DMD: variants seen among roughly 807,000 people sequenced by gnomAD.
DMD encodes dystrophin.
DMD carries 63 observed loss-of-function variants against 330.1 expected under a neutral mutation model. The ratio of observed to expected loss-of-function variants is 0.19; its 90% confidence interval spans 0.16 to 0.24. DMD has a LOEUF of 0.24. DMD is among the 10% of genes least tolerant of loss of function. The pLI, the probability that DMD is intolerant of heterozygous loss-of-function variation, is 1.00. For missense variants in DMD, 3,344 were observed against 2,684.1 expected, an observed-to-expected ratio of 1.25 and a Z score of -5.43; for synonymous variants, 1,223 against 959.8, an observed-to-expected ratio of 1.27 and a Z score of -5.07.
chrX:31,384,539 G>A (rs1471390007), intron 60 of DMD, among the ~76,000 whole-genome samples: 1 of 111,750 alleles, frequency 8.9e-6, no homozygotes. Context: ...TGTTGTTTTT[G>A]AGGAAAGAAA....
chrX:32,492,246 G>A (rs1206803213), intron 19 of DMD, among the ~76,000 whole-genome samples: 4 of 111,865 alleles, frequency 3.6e-5, no homozygotes, highest in African/African-American at 1.3e-4. Flanking sequence ...GCTGAGGCAG[G>A]AGAATGGCGT....
At chrX:32,336,029 CG>C (rs1308283212) in intron 41 of DMD, among the ~76,000 whole-genome samples, 1 of 95,933 alleles carries the variant, frequency 1.0e-5, no homozygotes, top group Non-Finnish European at 2.1e-5. Context: ...GTATATATAA[CG>C]TTATATATAA....
intron 7 of DMD, among the ~76,000 whole-genome samples, chrX:32,732,382 C>A (rs887460372): frequency 1.8e-4 from 20 of 110,620 alleles, no homozygotes; most frequent in Middle Eastern, 4.6e-3. Flanking sequence ...GCAAGGCAGG[C>A]CAACATTCAG....
chrX:32,733,121 T>G (rs1228982990), intron 7 of DMD, among the ~76,000 whole-genome samples: 2 of 108,157 alleles, frequency 1.8e-5, no homozygotes, highest in East Asian at 5.7e-4. Context: ...TCCTAGTCTC[T>G]GATAAAACAG....
intron 55 of DMD, among the ~76,000 whole-genome samples, chrX:31,582,685 T>TA (rs200898261): frequency 0.017 from 1,876 of 111,917 alleles, 37 homozygotes; most frequent in African/African-American, 0.054. Context: ...TTAAGCCCTT[T>TA]AGTCACCCTA....
chrX:32,428,798 G>A (rs2148096143), intron 29 of DMD, among the ~76,000 whole-genome samples: 1 of 111,195 alleles, frequency 9.0e-6, no homozygotes, highest in South Asian at 3.8e-4. Flanking sequence ...TTTTAGCAGA[G>A]ACGGGGTTTC....
At chrX:32,048,375 A>T (rs1462737896) in intron 44 of DMD, among the ~76,000 whole-genome samples, 3 of 105,031 alleles carry the variant, frequency 2.9e-5, no homozygotes, top group Non-Finnish European at 5.9e-5. Flanking sequence ...GACACATATC[A>T]TAAGGTTTCT....
chrX:32,738,174 T>C (rs151298191), intron 7 of DMD, among the ~76,000 whole-genome samples: 95 of 111,743 alleles, frequency 8.5e-4, no homozygotes, highest in Non-Finnish European at 1.1e-3. Context: ...GTTTGAACAT[T>C]TTCTAGGCAT....
At chrX:31,447,430 T>C (rs1194480740) in intron 59 of DMD, among the ~76,000 whole-genome samples, 1 of 110,192 alleles carries the variant, frequency 9.1e-6, no homozygotes, top group African/African-American at 3.3e-5. Flanking sequence ...GAGGTGCCTG[T>C]CAGTATGTGT....
intron 1 of DMD, among the ~76,000 whole-genome samples, chrX:33,281,643 G>C: frequency 9.0e-6 from 1 of 110,982 alleles, no homozygotes; most frequent in East Asian, 2.8e-4. Flanking sequence ...ACTTTTGATG[G>C]TACTCTGGAC....
chrX:32,554,890 A>G (rs1354407025), intron 16 of DMD, among the ~76,000 whole-genome samples: 4 of 23,690 alleles, frequency 1.7e-4, no homozygotes, highest in African/African-American at 1.0e-3. Flanking sequence ...AGAAAGAAAG[A>G]AAGAAAGAAA....
rs1475231654 is a variant in DMD, at chrX:31,515,650, C to T, written c.8218-8197G>A. ...CTAAATTGAGAGTAGGAAGAAGTGA[C>T]ACCTTACAGAGAATCAGAAAGGTGT... On this transcript the variant is annotated intron_variant, in intron 55 of 78. Transcript: ENST00000357033. 7.1e-5 allele frequency among the ~76,000 whole-genome samples: 8 copies of T among 111,976 alleles called. No individual in the cohort carries two copies. In the Admixed American group the frequency reaches 7.6e-4, roughly 11 times the overall value.
chrX:32,598,948 G>A (rs2055879825), intron 12 of DMD, among the ~76,000 whole-genome samples: 1 of 111,931 alleles, frequency 8.9e-6, no homozygotes, highest in South Asian at 3.7e-4. Flanking sequence ...GAACGTTGAA[G>A]AGTCCAGAGT....
At chrX:33,003,922 G>C (rs1022088963) in intron 2 of DMD, among the ~76,000 whole-genome samples, 4 of 112,271 alleles carry the variant, frequency 3.6e-5, no homozygotes, top group African/African-American at 1.3e-4. Flanking sequence ...GTAATATAAA[G>C]CATTCTGCTA....
intron 7 of DMD, among the ~76,000 whole-genome samples, chrX:32,714,769 C>T (rs1262739048): frequency 2.7e-5 from 3 of 111,599 alleles, no homozygotes; most frequent in Non-Finnish European, 3.8e-5. Context: ...CTTTCTTGTG[C>T]GGTTTACTTC....
At chrX:32,363,102 G>A (rs2097843042) in intron 36 of DMD, 144 bp from the exon 37 acceptor site, 1 of 570,511 alleles carries the variant, frequency 1.8e-6, no homozygotes, top group East Asian at 3.6e-5. Context: ...ATGAGAGCAA[G>A]CACATGCAGA....
intron 19 of DMD, among the ~76,000 whole-genome samples, chrX:32,500,983 A>T (rs1160546975): frequency 8.9e-6 from 1 of 112,219 alleles, no homozygotes; most frequent in East Asian, 2.8e-4. Flanking sequence ...AACGTCTTCT[A>T]CAAAATGAAA....
intron 57 of DMD, among the ~76,000 whole-genome samples, chrX:31,494,122 A>G (rs2069591715): frequency 1.0e-5 from 1 of 99,834 alleles, no homozygotes. Flanking sequence ...TGCCATTGCA[A>G]CTCCAGCCTG....
At chrX:32,745,927 TA>T (rs1225956794) in intron 7 of DMD, among the ~76,000 whole-genome samples, 1 of 112,295 alleles carries the variant, frequency 8.9e-6, no homozygotes, top group African/African-American at 3.2e-5. Context: ...AGCGAACAGC[TA>T]GATTTGAAGA....
Sources: allele counts gnomAD v4.1 joint callset (sites outside exome capture counted in the v4.1 genomes callset), GRCh38; gene constraint gnomAD v4.1.1; transcripts MANE v1.5; gene names NCBI Gene and HGNC (gene_info 2026-07-23, HGNC 2026-07-21).